Variants in WDR47 observed in about 807,000 individuals in gnomAD.
WDR47 encodes WD repeat domain 47.
A neutral mutation model predicts 97.2 loss-of-function variants in WDR47; 32 were observed. That is an observed-to-expected ratio of 0.33 (90% CI 0.25 to 0.44). The LOEUF is 0.44. Among genes scored for constraint, WDR47 ranks in the 20% least tolerant of loss-of-function variants. The pLI, the probability that WDR47 is intolerant of heterozygous loss-of-function variation, is 1.00. For missense variants in WDR47, 782 were observed against 1,102.3 expected, an observed-to-expected ratio of 0.71 and a Z score of 4.11; for synonymous variants, 375 against 373.5, an observed-to-expected ratio of 1.00 and a Z score of -0.05.
In WDR47 at chr1:109,011,376, C is replaced by T. The variant is rs1661028162; in HGVS notation, c.670G>A (p.Glu224Lys). The T allele has an allele frequency of 6.2e-7, 1 of 1,614,190 alleles. No individual in the cohort carries two copies. The highest frequency in any genetic ancestry group is 8.5e-7 in the Non-Finnish European group (1 of 1,180,040). ...AAGAGGTCGATGCCAAGAAGCACTT[C>T]GCTTTCTGTAATTTCTTCTCCAGTT... ...KATGEEITES[E>K]VLLGIDLLCG... is the part of the protein sequence containing the mutation. Residue 224 changes from glutamate (E) to lysine (K), a missense_variant, in exon 5 of 15, where the codon GAA becomes AAA. By Grantham distance (56) the Glu-to-Lys change is moderately conservative (BLOSUM62 1). Around this residue, in one of 3 missense-constraint regions of WDR47, gnomAD observed 428 missense variants for 584.3 expected, o/e 0.73. Coordinates refer to ENST00000369962, the MANE Select transcript of WDR47 (RefSeq NM_001142551.2).
intron 13 of WDR47, among the ~76,000 whole-genome samples, chr1:108,978,892 T>TA (rs1391856913): frequency 3.9e-5 from 6 of 152,160 alleles, no homozygotes; most frequent in Non-Finnish European, 8.8e-5. Context: ...TAGAATAAGT[T>TA]AAAGACTGAG....
chr1:109,032,703 C>G (rs536790624), intron 1 of WDR47, among the ~76,000 whole-genome samples: 2 of 151,808 alleles, frequency 1.3e-5, no homozygotes, highest in East Asian at 3.9e-4. Flanking sequence ...TCAAGACCAG[C>G]CTGGCCAACG....
intron 13 of WDR47, among the ~76,000 whole-genome samples, chr1:108,977,984 C>CAA (rs953176965): frequency 1.7e-4 from 18 of 105,778 alleles, no homozygotes; most frequent in African/African-American, 5.8e-4. Context: ...AACACTCTCT[C>CAA]AAAAAAAAAA....
At chr1:108,982,118 A>T (rs1658390064) in intron 12 of WDR47, among the ~76,000 whole-genome samples, 1 of 152,134 alleles carries the variant, frequency 6.6e-6, no homozygotes, top group African/African-American at 2.4e-5. Flanking sequence ...AGTACTCCTT[A>T]TTTACAGGGC....
chr1:108,981,324 T>G (rs1369849050), intron 13 of WDR47, among the ~76,000 whole-genome samples: 2 of 152,124 alleles, frequency 1.3e-5, no homozygotes, highest in Non-Finnish European at 2.9e-5. Context: ...GTTACATATT[T>G]ATAGAATATT....
chr1:108,995,890 T>A, intron 7 of WDR47, 53 bp from the exon 8 acceptor site: 1 of 1,553,290 alleles, frequency 6.4e-7, no homozygotes, highest in Non-Finnish European at 8.8e-7. Context: ...ATTGCATTCC[T>A]AATATATACA....
chr1:108,988,271 T>C (rs529765754), intron 9 of WDR47, among the ~76,000 whole-genome samples: 11 of 147,522 alleles, frequency 7.5e-5, no homozygotes, highest in African/African-American at 2.3e-4. Context: ...AGAATAAGTA[T>C]GCATTCCTAT....
At chr1:109,019,556 TG>T (rs1311159519) in intron 2 of WDR47, among the ~76,000 whole-genome samples, 3 of 151,920 alleles carry the variant, frequency 2.0e-5, no homozygotes, top group Non-Finnish European at 4.4e-5. Context: ...GGGATACTAC[TG>T]GGATCTAGTG....
chr1:109,014,402 C>A (rs1228480878), intron 3 of WDR47, among the ~76,000 whole-genome samples: 2 of 150,872 alleles, frequency 1.3e-5, no homozygotes, highest in African/African-American at 4.9e-5. Context: ...TAAAACACTA[C>A]AAAATAACTA....
intron 1 of WDR47, among the ~76,000 whole-genome samples, chr1:109,032,290 T>C (rs1401703433): frequency 7.4e-6 from 1 of 134,294 alleles, no homozygotes; most frequent in East Asian, 2.3e-4. Flanking sequence ...GGCGGGTGGA[T>C]CTCGAGGTCA....
chr1:109,016,790 A>T (rs563196569), intron 3 of WDR47, among the ~76,000 whole-genome samples: 72 of 126,734 alleles, frequency 5.7e-4, no homozygotes, highest in African/African-American at 1.8e-3. Context: ...AGATATAGTT[A>T]AAAAAAAAAA....
At chr1:108,972,728 T>C (rs939381250) in intron 14 of WDR47, among the ~76,000 whole-genome samples, 3 of 151,964 alleles carry the variant, frequency 2.0e-5, no homozygotes, top group Non-Finnish European at 4.4e-5. Flanking sequence ...GATCACGAGG[T>C]CAGGAGATCA....
At chr1:109,007,232 A>G (rs1360326815) in intron 5 of WDR47, among the ~76,000 whole-genome samples, 2 of 152,074 alleles carry the variant, frequency 1.3e-5, no homozygotes, top group Non-Finnish European at 2.9e-5. Flanking sequence ...AAAAAAAAAA[A>G]AAAAAAAGAT....
chr1:109,033,734 C>T (rs1662750768), intron 1 of WDR47, among the ~76,000 whole-genome samples: 1 of 152,152 alleles, frequency 6.6e-6, no homozygotes, highest in South Asian at 2.1e-4. Context: ...TTCTGGCCAA[C>T]ATGGTAAAAC....
In WDR47 at chr1:108,999,149, C is replaced by T. The variant is rs528826945; in HGVS notation, c.1433+3075G>A. The stretch of plus-strand genomic sequence containing the variant: ...GGCTGAGGCAGGAGAATCACTTAAA[C>T]CTGGGAGGCAGAGGTTTCAGTGAGC... On this transcript the variant is annotated intron_variant, in intron 7 of 14. Transcript: ENST00000369962. 3.1e-3 allele frequency among the ~76,000 whole-genome samples: 464 copies of T among 151,878 alleles called. 3 individuals are homozygous for T. The highest frequency in any genetic ancestry group is 3.5e-3 in the Non-Finnish European group (241 of 67,978).
chr1:108,993,320 T>A (rs1399198365), intron 8 of WDR47, among the ~76,000 whole-genome samples: 5 of 148,746 alleles, frequency 3.4e-5, no homozygotes, highest in Non-Finnish European at 7.5e-5. Flanking sequence ...AGTGAGACAC[T>A]GTCTCAAAAA....
chr1:109,021,527 C>CAAAAAAA (rs370414324), intron 2 of WDR47, among the ~76,000 whole-genome samples: 2 of 123,842 alleles, frequency 1.6e-5, no homozygotes, highest in East Asian at 2.3e-4. Context: ...GCCTCTATCT[C>CAAAAAAA]AAAAAAAAAA....
intron 10 of WDR47, 140 bp from the exon 11 acceptor site, chr1:108,983,591 GAAGA>G (rs1164962135): frequency 8.7e-6 from 6 of 690,528 alleles, no homozygotes; most frequent in African/African-American, 5.6e-5. Flanking sequence ...CAAAATCATA[GAAGA>G]AATAAAATTA....
chr1:108,993,619 G>A (rs1203854725), intron 8 of WDR47, among the ~76,000 whole-genome samples: 2 of 152,178 alleles, frequency 1.3e-5, no homozygotes, highest in African/African-American at 4.8e-5. Context: ...GCAGAACAGT[G>A]AGGAAAGTCC....
Sources: allele counts gnomAD v4.1 joint callset (sites outside exome capture counted in the v4.1 genomes callset), GRCh38; gene constraint gnomAD v4.1.1; regional missense constraint gnomAD v4.1.1; transcripts MANE v1.5; gene names NCBI Gene and HGNC (gene_info 2026-07-23, HGNC 2026-07-21).